Variants in DYNC1H1 observed in about 807,000 individuals in gnomAD.
The protein encoded by DYNC1H1 is cytoplasmic dynein 1 heavy chain 1.
In DYNC1H1, 51 loss-of-function variants were observed where a neutral mutation model predicts 527.1. The ratio of observed to expected loss-of-function variants is 0.10; its 90% CI spans 0.08 to 0.12. The LOEUF is 0.12. DYNC1H1 is among the 10% of genes least tolerant of loss of function. The pLI is 1.00. For missense variants in DYNC1H1, 2,771 were observed against 5,971.8 expected, an observed-to-expected ratio of 0.46 and a Z score of 17.66; for synonymous variants, 2,189 against 2,278.8, an observed-to-expected ratio of 0.96 and a Z score of 1.12.
rs1595611257 is a variant in DYNC1H1 at position 102,004,858 on chromosome 14, C to T, written c.5146C>T (p.Leu1716=). The T allele has an allele frequency of 1.2e-6, 2 of 1,614,120 alleles. No individual in the cohort carries two copies. The highest frequency in any genetic ancestry group is 1.7e-6 in the Non-Finnish European group (2 of 1,180,064). ...EKEMRVTLAK[L]LAESVTEVEI... is the part of the protein sequence containing the mutation. Reference sequence around the variant, plus strand: ...GGAGATGAGAGTCACCCTGGCCAAACTGCTTGCTGAGTCTGTTACGGAAGT... The same window carrying T: ...GGAGATGAGAGTCACCCTGGCCAAATTGCTTGCTGAGTCTGTTACGGAAGT... The change falls in exon 25 of 78, where the codon CTG becomes TTG. Residue 1716 remains leucine (L), a synonymous_variant. Coordinates refer to ENST00000360184, the MANE Select transcript of DYNC1H1 (RefSeq NM_001376.5).
intron 43 of DYNC1H1, among the ~76,000 whole-genome samples, chr14:102,025,827 G>T (rs1335793623): frequency 6.6e-6 from 1 of 152,044 alleles, no homozygotes. Flanking sequence ...GTTTAATAGG[G>T]CAGGCCCAGG....
At position 102,022,793 on chromosome 14, in the gene DYNC1H1, C is replaced by T. The variant is rs1057523253; in HGVS notation, c.8550C>T (p.Ile2850=). Residue 2850 remains isoleucine, a synonymous_variant, in exon 43 of 78, where the codon ATC becomes ATT. Transcript: ENST00000360184. ...DEERRWTDEN[I]DTVALKHFPN... ...AGAGGCGTTGGACTGATGAGAACAT[C>T]GACACGGTTGCTCTGAAGCACTTCC... is the stretch of plus-strand genomic sequence containing the variant. 10 of 1,614,052 alleles carry T rather than the reference C, an allele frequency of 6.2e-6. No homozygotes were observed. Among genetic ancestry groups the T allele is most frequent in the African/African-American group, 1.3e-5 (1 of 74,926 alleles).
Position 102,020,137 on chromosome 14 carries a change from G to GGGGTGGTCTGCCTAAGTTAGAGCC in DYNC1H1, c.8507+82_8507+105dup. On this transcript the variant is annotated intron_variant, in intron 42 of 77. Transcript: ENST00000360184. This position sits in a 1 kb window ranked among gnomAD's most constrained non-coding sequence, Gnocchi z 4.3. ...AGCTGTCGAAGCTGGGGTCTTTGCA[G>GGGGTGGTCTGCCTAAGTTAGAGCC]GGGTGGTCTGCCTAAGTTAGAGCCA... is the stretch of plus-strand genomic sequence containing the variant. 1 of 1,561,412 alleles carries GGGGTGGTCTGCCTAAGTTAGAGCC rather than the reference G, an allele frequency of 6.4e-7. No homozygotes were observed. Among genetic ancestry groups the GGGGTGGTCTGCCTAAGTTAGAGCC allele is most frequent in the Non-Finnish European group, 8.7e-7 (1 of 1,151,072 alleles).
In DYNC1H1 at chr14:102,011,011, G is replaced by A. The variant is rs2048252665; in HGVS notation, c.6618+59G>A. 2 of 1,577,458 alleles carry A rather than the reference G, an allele frequency of 1.3e-6. No homozygotes were observed. The highest frequency in any genetic ancestry group is 1.7e-6 in the Non-Finnish European group (2 of 1,147,362). On this transcript the variant is annotated intron_variant, in intron 32 of 77. Coordinates refer to ENST00000360184, the MANE Select transcript of DYNC1H1 (RefSeq NM_001376.5). This position sits in a 1 kb window ranked among gnomAD's most constrained non-coding sequence, Gnocchi z 5.3. ...ACAGACCCTGCTGGCTTTAGTGTCT[G>A]GTAATGACAACCGTGGGCCCTTCGA...
chr14:101,979,684 CACACTA>C lies in DYNC1H1; in HGVS notation c.519-33_519-28del. On this transcript the variant is annotated intron_variant, in intron 3 of 77. Coordinates refer to ENST00000360184, the MANE Select transcript of DYNC1H1 (RefSeq NM_001376.5). This position sits in a 1 kb window ranked among gnomAD's most constrained non-coding sequence, Gnocchi z 4.6. ...ATGGGATCTCTTTGGAGACCAATAG[CACACTA>C]AATGTTGAGGTATGAAATCTGTTTT... The C allele has an allele frequency of 6.2e-7, 1 of 1,613,184 alleles. No homozygotes were observed. Among genetic ancestry groups the C allele is most frequent in the Non-Finnish European group, 8.5e-7 (1 of 1,179,988 alleles).
Position 101,979,643 on chromosome 14 carries a change from TGACA to T in DYNC1H1, c.519-72_519-69del. ...AATAAATATGTGTGTCATTACTATT[TGACA>T]GACCTGAAATGATGGGATCTCTTTG... On this transcript the variant is annotated intron_variant, in intron 3 of 77. Coordinates refer to ENST00000360184, the MANE Select transcript of DYNC1H1 (RefSeq NM_001376.5). This position sits in a 1 kb window ranked among gnomAD's most constrained non-coding sequence, Gnocchi z 4.6. 6.2e-7 allele frequency: 1 copy of T among 1,610,596 alleles called. No individual in the cohort carries two copies. The highest frequency in any genetic ancestry group is 8.5e-7 in the Non-Finnish European group (1 of 1,178,726).
rs537023632 is a variant in DYNC1H1, at chr14:102,048,683, C to T, written c.13372+14C>T. Reference sequence around the variant, plus strand: ...AGCTAGTGAAAGGTGCGTGAGAGGCCGAACTCGTGGTGTGGCTTCCGGCGG... The same window carrying T: ...AGCTAGTGAAAGGTGCGTGAGAGGCTGAACTCGTGGTGTGGCTTCCGGCGG... On this transcript the variant is annotated intron_variant, in intron 74 of 77. Transcript: ENST00000360184. 11 of 1,611,910 alleles carry T rather than the reference C, an allele frequency of 6.8e-6. No homozygotes were observed. The highest frequency in any genetic ancestry group is 4.5e-5 in the East Asian group (2 of 44,840).
At position 102,040,134 on chromosome 14, in the gene DYNC1H1, T is replaced by C. The variant is rs955124561; in HGVS notation, c.11691-102T>C. ...TGCTGAGATTATAGGCCTGAGCCAC[T>C]GTGCCCGGCCTGTTTTCTCTTTTCT... On this transcript the variant is annotated intron_variant, in intron 62 of 77. Transcript: ENST00000360184. 5.9e-6 allele frequency: 9 copies of C among 1,513,634 alleles called. No homozygotes were observed. The African/African-American group carries it at 1.1e-4, about 18-fold the overall frequency. The allele number at this position is 1,513,634 out of a possible 1,614,324, so 93.8% of individuals were successfully genotyped here. A position where few individuals can be genotyped will look rare whatever the true frequency, so the allele number is the denominator to read the frequency against.
Position 101,964,739 on chromosome 14 carries a change from G to T in DYNC1H1, c.48G>T (p.Leu16Phe). ...GCGGCGAGGACGGCTCGGCCGGATT[G>T]GAAGTGTCGGCCGTGCAGAATGTGG... ...GGGGEDGSAG[L>F]EVSAVQNVAD... is the part of the protein sequence containing the mutation. Residue 16 changes from leucine to phenylalanine, a missense_variant, in exon 1 of 78, where the codon TTG (leucine) becomes TTT (phenylalanine). Leu to Phe is a conservative substitution (Grantham distance 22, BLOSUM62 0). This residue lies in a region of DYNC1H1 where 101 missense variants were observed against 105.3 expected (regional missense o/e 0.96). Coordinates refer to ENST00000360184, the MANE Select transcript of DYNC1H1 (RefSeq NM_001376.5). The surrounding 1 kb of genome is among the most constrained non-coding windows in gnomAD (Gnocchi z 5.5). 9.4e-6 allele frequency: 15 copies of T among 1,597,112 alleles called. No individual in the cohort carries two copies. The highest frequency in any genetic ancestry group is 1.2e-5 in the Non-Finnish European group (14 of 1,175,628).
intron 9 of DYNC1H1, 144 bp from the exon 10 acceptor site, chr14:101,988,559 T>G: frequency 3.8e-6 from 4 of 1,060,960 alleles, no homozygotes; most frequent in Non-Finnish European, 5.6e-6. Context: ...AGTGAGAAAG[T>G]GAGATTCTGA....
rs948201777 is a variant in DYNC1H1, at chr14:102,049,963, C to T, written c.13684+81C>T. The T allele has an allele frequency of 5.1e-5, 76 of 1,489,236 alleles. No homozygotes were observed. The Middle Eastern group carries it at 1.2e-3, about 23-fold the overall frequency. The allele number at this position is 1,489,236 out of a possible 1,614,324, so 92.3% of individuals were successfully genotyped here. Reference sequence around the variant, plus strand: ...AGACCATTGTTCCCAGATACATGCACTTAGGGTGACCGGCTGGCAGTTGGG... The same window carrying T: ...AGACCATTGTTCCCAGATACATGCATTTAGGGTGACCGGCTGGCAGTTGGG... On this transcript the variant is annotated intron_variant, in intron 76 of 77. Coordinates refer to ENST00000360184, the MANE Select transcript of DYNC1H1 (RefSeq NM_001376.5). The surrounding 1 kb of genome is among the most constrained non-coding windows in gnomAD (Gnocchi z 5.5).
rs762507155 is a variant in DYNC1H1, at chr14:102,004,822, T to C, written c.5110T>C (p.Leu1704=). The stretch of plus-strand genomic sequence containing the variant: ...TCCCAAAATCAATGAGTGGCTCACA[T>C]TGGTAGAAAAGGAGATGAGAGTCAC... ...EHPKINEWLT[L]VEKEMRVTLA... The change falls in exon 25 of 78, where the codon TTG becomes CTG. Residue 1704 remains leucine (L), a synonymous_variant. Transcript: ENST00000360184. 9 of 1,614,210 alleles carry C rather than the reference T, an allele frequency of 5.6e-6. No homozygotes were observed. The highest frequency in any genetic ancestry group is 4.4e-5 in the South Asian group (4 of 91,088).
At chr14:101,968,431 A>G (rs1275708162) in intron 1 of DYNC1H1, among the ~76,000 whole-genome samples, 1 of 151,712 alleles carries the variant, frequency 6.6e-6, no homozygotes, top group Non-Finnish European at 1.5e-5. Flanking sequence ...AGGAGGTCTC[A>G]CCATGTTGCC....
At chr14:102,047,667 A>C in intron 72 of DYNC1H1, 150 bp from the exon 73 acceptor site, 1 of 638,306 alleles carries the variant, frequency 1.6e-6, no homozygotes, top group Non-Finnish European at 2.8e-6. Flanking sequence ...ATATATATGT[A>C]CACACGGCTG....
chr14:102,043,842 A>AATG (rs745602398), intron 69 of DYNC1H1, 33 bp from the exon 70 acceptor site: 222 of 1,613,928 alleles, frequency 1.4e-4, no homozygotes, highest in Non-Finnish European at 1.8e-4. Context: ...GCTGTTTTCT[A>AATG]ATGACTCTGT....
In DYNC1H1 at chr14:102,015,818, T is replaced by G. The variant is rs754568433; in HGVS notation, c.7243-38T>G. 1.3e-5 allele frequency: 21 copies of G among 1,610,488 alleles called. No homozygotes were observed. Among genetic ancestry groups the G allele is most frequent in the Non-Finnish European group, 1.7e-5 (20 of 1,177,884 alleles). On this transcript the variant is annotated intron_variant, in intron 35 of 77. Transcript: ENST00000360184. The surrounding 1 kb of genome is among the most constrained non-coding windows in gnomAD (Gnocchi z 6.9). ...AGAATCGATGAAACTCGCCTGCCTT[T>G]TGAAAGATAGTTAAGTATCACTCCT...
chr14:102,028,102 T>C lies in DYNC1H1; in HGVS notation c.9429T>C (p.Ile3143=). The part of the protein sequence containing the change: ...LPQPPSHREA[I]VNSCVFVHQT... The stretch of plus-strand genomic sequence containing the variant: ...AGCCACCATCCCATCGGGAAGCCAT[T>C]GTGAACAGCTGTGTGTTTGTTCATC... Residue 3143 remains isoleucine, a synonymous_variant, in exon 48 of 78, where the codon ATT becomes ATC. Coordinates refer to ENST00000360184, the MANE Select transcript of DYNC1H1 (RefSeq NM_001376.5). The C allele has an allele frequency of 6.2e-7, 1 of 1,614,156 alleles. No homozygotes were observed. The highest frequency in any genetic ancestry group is 8.5e-7 in the Non-Finnish European group (1 of 1,180,002).
chr14:101,988,952 C>T, intron 10 of DYNC1H1, 100 bp downstream of exon 10: 1 of 1,478,090 alleles, frequency 6.8e-7, no homozygotes, highest in South Asian at 1.2e-5. Context: ...GGACACCTGG[C>T]AGATGCCACC....
In DYNC1H1 at chr14:102,011,176, A is replaced by G. The variant is rs1463361825; in HGVS notation, c.6618+224A>G. On this transcript the variant is annotated intron_variant, in intron 32 of 77. Transcript: ENST00000360184. The surrounding 1 kb of genome is among the most constrained non-coding windows in gnomAD (Gnocchi z 5.3). The stretch of plus-strand genomic sequence containing the variant: ...TGAAAATTTTACATGATACAGTTCA[A>G]TTTCTGAAAATGCTAAGTGCATGAC... 1.7e-6 allele frequency: 1 copy of G among 586,806 alleles called. No homozygotes were observed. Among genetic ancestry groups the G allele is most frequent in the African/African-American group, 1.9e-5 (1 of 53,876 alleles). The allele number at this position is 586,806 out of a possible 1,614,324, so 36.3% of individuals were successfully genotyped here. A position where few individuals can be genotyped will look rare whatever the true frequency, so the allele number is the denominator to read the frequency against.
Sources: allele counts gnomAD v4.1 joint callset (sites outside exome capture counted in the v4.1 genomes callset), GRCh38; gene constraint gnomAD v4.1.1; regional missense constraint gnomAD v4.1.1; non-coding constraint Gnocchi (gnomAD v3.1); transcripts MANE v1.5; gene names NCBI Gene and HGNC (gene_info 2026-07-23, HGNC 2026-07-21).